The following ITSN1 variants were observed in gnomAD, a reference collection of about 807,000 sequenced individuals.
ITSN1 encodes the protein intersectin-1.
A neutral mutation model predicts 239.8 loss-of-function variants in ITSN1; 58 were observed. The ratio of observed to expected loss-of-function variants is 0.24; its 90% confidence interval spans 0.20 to 0.30. The LOEUF is 0.30. Among genes scored for constraint, ITSN1 ranks in the 10% least tolerant of loss-of-function variants. The pLI is 1.00. For synonymous variants in ITSN1, 780 were observed against 770.8 expected (o/e 1.01, Z -0.20); for missense variants, 1,558 against 2,103.3 (o/e 0.74, Z 5.07).
intron 4 of ITSN1, among the ~76,000 whole-genome samples, chr21:33,730,494 T>C (rs569128153): frequency 7.4e-6 from 1 of 135,688 alleles, no homozygotes; most frequent in South Asian, 2.6e-4. Flanking sequence ...CTCCATCTCC[T>C]AGGTTTAAGC....
Position 33,844,591 on chromosome 21 carries a change from C to G in ITSN1, c.3661+7959C>G, listed in dbSNP as rs530317681. 2.0e-4 allele frequency among the ~76,000 whole-genome samples: 30 copies of G among 152,292 alleles called. No individual in the cohort carries two copies. The South Asian group carries it at 6.2e-3, about 32-fold the overall frequency. Reference sequence around the variant, plus strand: ...GGAATGCTGCCCCAAAGCGCTGTCTCCAGAGCAGCTGCCCCAGGCATGCTT... The same window carrying G: ...GGAATGCTGCCCCAAAGCGCTGTCTGCAGAGCAGCTGCCCCAGGCATGCTT... On this transcript the variant is annotated intron_variant, in intron 29 of 39. Coordinates refer to ENST00000381318, the MANE Select transcript of ITSN1 (RefSeq NM_003024.3).
intron 1 of ITSN1, among the ~76,000 whole-genome samples, chr21:33,712,847 G>A (rs1191992998): frequency 1.3e-5 from 2 of 152,188 alleles, no homozygotes; most frequent in East Asian, 3.8e-4. Context: ...GTCTGCTATA[G>A]CAGAAGCAGA....
chr21:33,646,002 C>G (rs1015006481), intron 1 of ITSN1, among the ~76,000 whole-genome samples: 3 of 152,318 alleles, frequency 2.0e-5, no homozygotes, highest in East Asian at 1.9e-4. Flanking sequence ...AAAACAGTGC[C>G]TGGAGGAACT....
intron 8 of ITSN1, among the ~76,000 whole-genome samples, chr21:33,761,607 T>C (rs764841495): frequency 6.6e-6 from 1 of 152,152 alleles, no homozygotes; most frequent in African/African-American, 2.4e-5. Context: ...TAAAGCCCAA[T>C]ACAAATAAAG....
intron 20 of ITSN1, among the ~76,000 whole-genome samples, chr21:33,806,457 AT>A (rs1046513432): frequency 6.6e-6 from 1 of 152,240 alleles, no homozygotes; most frequent in African/African-American, 2.4e-5. Flanking sequence ...AGAAATATTA[AT>A]CTTACCTAAT....
chr21:33,777,863 T>G (rs1196592064), intron 14 of ITSN1, among the ~76,000 whole-genome samples: 4 of 152,214 alleles, frequency 2.6e-5, no homozygotes, highest in African/African-American at 9.6e-5. Context: ...GGGAAGAGCC[T>G]TGTTCCCTCT....
intron 16 of ITSN1, among the ~76,000 whole-genome samples, chr21:33,794,059 A>G (rs2071350301): frequency 6.6e-6 from 1 of 152,236 alleles, no homozygotes; most frequent in African/African-American, 2.4e-5. Flanking sequence ...CTTTAGCAGC[A>G]GAGCTCACCT....
intron 1 of ITSN1, among the ~76,000 whole-genome samples, chr21:33,686,656 A>G (rs1339259433): frequency 6.6e-6 from 1 of 152,118 alleles, no homozygotes; most frequent in Non-Finnish European, 1.5e-5. Flanking sequence ...TCTTGAGCTC[A>G]ATTTTTGTCT....
At chr21:33,854,484 GA>G (rs1294337446) in intron 29 of ITSN1, among the ~76,000 whole-genome samples, 1 of 152,228 alleles carries the variant, frequency 6.6e-6, no homozygotes, top group Non-Finnish European at 1.5e-5. Flanking sequence ...ACTCACAGGA[GA>G]GTGGGGTAAA....
At position 33,895,603 on chromosome 21, in the gene ITSN1, TTG is replaced by T. The variant is rs1207064488; in HGVS notation, c.*7306_*7307del. 8.2e-5 allele frequency: 11 copies of T among 133,432 alleles called. No individual in the cohort carries two copies. The highest frequency in any genetic ancestry group is 2.2e-4 in the African/African-American group (8 of 35,672). 8.3% of individuals were successfully genotyped at this position (133,432 alleles called of 1,614,324 possible). ...TGTGCATGTTTGTGAGTGCATGTGT[TTG>T]TGCGTGTGTGCGTATTTGTGTGTGT... On this transcript the variant is annotated 3_prime_UTR_variant, in exon 40 of 40. Coordinates refer to ENST00000381318, the MANE Select transcript of ITSN1 (RefSeq NM_003024.3).
chr21:33,795,680 A>AT (rs1243323357), intron 17 of ITSN1, among the ~76,000 whole-genome samples: 1 of 151,974 alleles, frequency 6.6e-6, no homozygotes, highest in Non-Finnish European at 1.5e-5. Context: ...TTGGATGTTG[A>AT]TTAACTCCAT....
At chr21:33,839,674 A>G (rs1370332839) in intron 29 of ITSN1, among the ~76,000 whole-genome samples, 1 of 152,134 alleles carries the variant, frequency 6.6e-6, no homozygotes, top group African/African-American at 2.4e-5. Context: ...ACTACTCCAT[A>G]ACACTCTACC....
intron 31 of ITSN1, among the ~76,000 whole-genome samples, chr21:33,861,925 G>C (rs1387938193): frequency 7.9e-6 from 1 of 126,192 alleles, no homozygotes; most frequent in Non-Finnish European, 1.7e-5. Context: ...CAGCCTGGGC[G>C]ACAGAGTGAG....
intron 24 of ITSN1, among the ~76,000 whole-genome samples, chr21:33,822,053 A>G (rs1425380056): frequency 6.6e-6 from 1 of 152,204 alleles, no homozygotes; most frequent in Admixed American, 6.5e-5. Flanking sequence ...GGCTAAAGAC[A>G]GAGAGTCTTC....
chr21:33,694,912 T>G (rs2091727642), intron 1 of ITSN1, among the ~76,000 whole-genome samples: 1 of 152,234 alleles, frequency 6.6e-6, no homozygotes, highest in South Asian at 2.1e-4. Context: ...ACTCCTAGGC[T>G]CCATCAATCC....
At chr21:33,719,114 A>G (rs1007038954) in intron 2 of ITSN1, among the ~76,000 whole-genome samples, 1 of 152,206 alleles carries the variant, frequency 6.6e-6, no homozygotes, top group African/African-American at 2.4e-5. Context: ...GTTTAAAGAC[A>G]TAACTTCAGT....
rs1986349453 is a variant in ITSN1, at chr21:33,891,309, CAGAGGAAA to C, written c.*3010_*3017del. ...ATAATATGTCCCTGTCCTCTGATAG[CAGAGGAAA>C]GAGCTCTGCTCCCAAAGAACATTCA... is the stretch of plus-strand genomic sequence containing the variant. On this transcript the variant is annotated 3_prime_UTR_variant, in exon 40 of 40. Transcript: ENST00000381318. 6 of 152,204 alleles carry C rather than the reference CAGAGGAAA, an allele frequency of 3.9e-5. No individual in the cohort carries two copies. Among genetic ancestry groups the C allele is most frequent in the Non-Finnish European group, 5.9e-5 (4 of 68,026 alleles). 9.4% of individuals were successfully genotyped at this position (152,204 alleles called of 1,614,324 possible). A position where few individuals can be genotyped will look rare whatever the true frequency, so the allele number is the denominator to read the frequency against.
intron 1 of ITSN1, among the ~76,000 whole-genome samples, chr21:33,686,204 T>C (rs1028078217): frequency 6.6e-6 from 1 of 152,214 alleles, no homozygotes; most frequent in African/African-American, 2.4e-5. Flanking sequence ...TTCTACCTAT[T>C]TCATAGGGAT....
intron 1 of ITSN1, among the ~76,000 whole-genome samples, chr21:33,652,594 C>T (rs564141442): frequency 3.8e-4 from 58 of 152,222 alleles, no homozygotes; most frequent in Non-Finnish European, 6.9e-4. Context: ...AAAGCCTTTG[C>T]AGCATACCGC....
Sources: gnomAD v4.1 joint callset for allele counts (sites outside exome capture counted in the v4.1 genomes callset) on GRCh38, gnomAD v4.1.1 for gene constraint, MANE v1.5 for transcripts, NCBI Gene and HGNC (gene_info 2026-07-23, HGNC 2026-07-21) for gene names.